FOCAD: variants seen among roughly 807,000 people sequenced by gnomAD.
The protein encoded by FOCAD is KIAA1797.
FOCAD carries 198 observed loss-of-function variants against 225.6 expected under a neutral mutation model. That is an observed-to-expected ratio of 0.88 (90% CI 0.78 to 0.99). FOCAD has a LOEUF of 0.99. FOCAD is among the 50% of genes least tolerant of loss of function. FOCAD has a pLI of 0.00. For missense variants in FOCAD, 2,713 were observed against 2,123.6 expected, an observed-to-expected ratio of 1.28 and a Z score of -5.46; for synonymous variants, 897 against 755.0, an observed-to-expected ratio of 1.19 and a Z score of -3.08.
chr9:20,980,550 A>T (rs1426008460), intron 37 of FOCAD, among the ~76,000 whole-genome samples: 1 of 152,216 alleles, frequency 6.6e-6, no homozygotes, highest in Admixed American at 6.5e-5. Context: ...ATGATCTGAG[A>T]TGGCATATTC....
chr9:20,718,331 T>C (rs931267913), intron 3 of FOCAD, among the ~76,000 whole-genome samples: 1 of 152,232 alleles, frequency 6.6e-6, no homozygotes, highest in African/African-American at 2.4e-5. Context: ...AAATTCCATC[T>C]TACACAAATA....
chr9:20,664,068 G>A (rs1821823969), intron 2 of FOCAD, among the ~76,000 whole-genome samples: 1 of 151,866 alleles, frequency 6.6e-6, no homozygotes, highest in African/African-American at 2.4e-5. Flanking sequence ...TATCAGCATT[G>A]TTGTTTTTAT....
At chr9:20,963,146 A>G (rs1413581670) in intron 35 of FOCAD, among the ~76,000 whole-genome samples, 1 of 152,176 alleles carries the variant, frequency 6.6e-6, no homozygotes, top group Non-Finnish European at 1.5e-5. Flanking sequence ...TTGTGAGTGT[A>G]GTTATACTAC....
At chr9:20,905,031 G>A (rs978729633) in intron 21 of FOCAD, among the ~76,000 whole-genome samples, 9 of 151,920 alleles carry the variant, frequency 5.9e-5, no homozygotes, top group Non-Finnish European at 1.2e-4. Context: ...GAATGTAAGG[G>A]CATGACTTTC....
chr9:20,657,972 C>G (rs1194541304), upstream of FOCAD, among the ~76,000 whole-genome samples: 2 of 141,534 alleles, frequency 1.4e-5, no homozygotes, highest in Non-Finnish European at 3.1e-5. Context: ...GATGTCCTTT[C>G]TGTTTGTTAG....
chr9:20,891,638 G>C (rs1831622788), intron 21 of FOCAD, among the ~76,000 whole-genome samples: 1 of 152,198 alleles, frequency 6.6e-6, no homozygotes, highest in African/African-American at 2.4e-5. Context: ...GCTAAGAGAG[G>C]TGAGGAAACT....
intron 22 of FOCAD, among the ~76,000 whole-genome samples, chr9:20,912,478 T>C (rs944448618): frequency 4.6e-5 from 7 of 152,142 alleles, no homozygotes; most frequent in Non-Finnish European, 1.0e-4. Context: ...TTTTCTATTA[T>C]AATACTGGTG....
chr9:20,907,109 T>G, intron 21 of FOCAD, 41 bp from the exon 22 acceptor site: 1 of 1,425,560 alleles, frequency 7.0e-7, no homozygotes, highest in Non-Finnish European at 9.8e-7. Flanking sequence ...TCTTTTTTAA[T>G]ACTGTGTAGC....
intron 23 of FOCAD, 69 bp from the exon 24 acceptor site, chr9:20,916,821 TTGA>T (rs779635234): frequency 1.0e-5 from 14 of 1,381,028 alleles, no homozygotes; most frequent in East Asian, 4.8e-5. Flanking sequence ...TTCTTATTAA[TTGA>T]TGAAAAAGAG....
intron 35 of FOCAD, among the ~76,000 whole-genome samples, chr9:20,969,424 G>A (rs931665043): frequency 1.3e-5 from 2 of 151,886 alleles, no homozygotes; most frequent in Non-Finnish European, 2.9e-5. Flanking sequence ...TTTCAATTCT[G>A]TCAGTATTTA....
chr9:20,879,713 C>T (rs999708346), intron 19 of FOCAD, among the ~76,000 whole-genome samples: 2 of 152,162 alleles, frequency 1.3e-5, no homozygotes, highest in African/African-American at 4.8e-5. Flanking sequence ...GAGAAAAATT[C>T]TAGTTGCTAA....
intron 33 of FOCAD, among the ~76,000 whole-genome samples, chr9:20,950,420 GCAAA>G (rs1036194079): frequency 6.6e-6 from 1 of 151,984 alleles, no homozygotes; most frequent in African/African-American, 2.4e-5. Flanking sequence ...ACTTTTAAAA[GCAAA>G]CAAAAATCTC....
intron 33 of FOCAD, 64 bp from the exon 34 acceptor site, chr9:20,950,932 G>A: frequency 7.1e-7 from 1 of 1,408,056 alleles, no homozygotes; most frequent in Non-Finnish European, 1.0e-6. Flanking sequence ...TTCTGTGAGT[G>A]ACCTTTTATT....
At chr9:20,671,424 T>C (rs1454276077) in intron 2 of FOCAD, among the ~76,000 whole-genome samples, 1 of 152,176 alleles carries the variant, frequency 6.6e-6, no homozygotes, top group African/African-American at 2.4e-5. Flanking sequence ...GCTTGAAGAA[T>C]GGCTTCAGCC....
chr9:20,973,861 C>G (rs1478417158), intron 35 of FOCAD, among the ~76,000 whole-genome samples: 1 of 111,742 alleles, frequency 8.9e-6, no homozygotes, highest in African/African-American at 3.3e-5. Context: ...CTTCTCATTT[C>G]TGCTGCTGTT....
intron 35 of FOCAD, among the ~76,000 whole-genome samples, chr9:20,965,535 G>T (rs1382652064): frequency 6.6e-6 from 1 of 151,778 alleles, no homozygotes; most frequent in African/African-American, 2.4e-5. Context: ...GCTTTTTTTG[G>T]TGATAAAATG....
intron 27 of FOCAD, among the ~76,000 whole-genome samples, chr9:20,932,570 C>A (rs1293864211): frequency 1.3e-5 from 2 of 152,150 alleles, no homozygotes; most frequent in African/African-American, 4.8e-5. Context: ...ATAACCTCCA[C>A]AACTGAGACA....
At chr9:20,946,188 A>G (rs1042468436) in intron 29 of FOCAD, among the ~76,000 whole-genome samples, 5 of 152,156 alleles carry the variant, frequency 3.3e-5, no homozygotes, top group African/African-American at 1.2e-4. Flanking sequence ...TATACAATTT[A>G]TCTGACTCCA....
intron 15 of FOCAD, among the ~76,000 whole-genome samples, chr9:20,835,726 G>C (rs970462695): frequency 6.6e-6 from 1 of 152,062 alleles, no homozygotes. Flanking sequence ...CCAAAGTCTT[G>C]AGATGGGAAT....
Sources: gnomAD v4.1 joint callset for allele counts (sites outside exome capture counted in the v4.1 genomes callset) on GRCh38, gnomAD v4.1.1 for gene constraint, MANE v1.5 for transcripts, NCBI Gene and HGNC (gene_info 2026-07-23, HGNC 2026-07-21) for gene names.